Variants in MICAL1 observed in about 807,000 individuals in gnomAD.
MICAL1 encodes the protein microtubule associated monooxygenase, calponin and LIM domain containing 1.
In MICAL1, 95 loss-of-function variants were observed where a neutral mutation model predicts 131.8. The ratio of observed to expected loss-of-function variants is 0.72; its 90% CI spans 0.61 to 0.86. The LOEUF (loss-of-function observed/expected upper bound fraction) is 0.86, where lower values mean the gene tolerates loss of function less well. MICAL1 is among the 40% of genes least tolerant of loss of function. The probability of loss-of-function intolerance (pLI) is 0.00; values close to 1 mark genes in which losing one functional copy is unlikely to be tolerated. For missense variants in MICAL1, 1,292 were observed against 1,380.6 expected, an observed-to-expected ratio of 0.94 and a Z score of 1.02; for synonymous variants, 546 against 554.2, an observed-to-expected ratio of 0.99 and a Z score of 0.21.
chr6:109,460,289 T>C (rs1047846647), upstream of MICAL1, among the ~76,000 whole-genome samples: 1 of 150,294 alleles, frequency 6.7e-6, no homozygotes, highest in Non-Finnish European at 1.5e-5. Flanking sequence ...ACCTTGTCTC[T>C]AAAAAAAAAT....
exon 1 of MICAL1, chr6:109,465,837 A>G (rs1186590137): frequency 6.2e-7 from 1 of 1,614,076 alleles, no homozygotes; most frequent in Non-Finnish European, 8.5e-7. Context: ...CAAGCAGTCA[A>G]ACGTGTTTAC....
upstream of MICAL1, among the ~76,000 whole-genome samples, chr6:109,460,440 AAAAAG>A (rs1411759358): frequency 2.6e-5 from 4 of 151,766 alleles, no homozygotes; most frequent in African/African-American, 7.2e-5. Context: ...AAAAAAAAAA[AAAAAG>A]AAATGTAATC....
intron 11 of MICAL1, 38 bp downstream of exon 11, chr6:109,449,362 C>G (rs779648503): frequency 1.9e-6 from 3 of 1,606,514 alleles, no homozygotes; most frequent in Non-Finnish European, 1.7e-6. Context: ...CTGGGTAGTA[C>G]ATATTTTGGT....
intron 12 of MICAL1, 74 bp downstream of exon 12, chr6:109,448,656 GTC>G: frequency 1.3e-6 from 2 of 1,576,408 alleles, no homozygotes; most frequent in South Asian, 2.2e-5. Context: ...GAAGCACACT[GTC>G]TCTAGGATTC....
chr6:109,448,280 G>A lies in MICAL1; in HGVS notation c.1778C>T (p.Ala593Val). 1 of 1,613,938 alleles carries A rather than the reference G, an allele frequency of 6.2e-7. No individual in the cohort carries two copies. The highest frequency in any genetic ancestry group is 1.1e-5 in the South Asian group (1 of 91,090). The change falls in exon 13 of 25, where the codon GCA becomes GTA. Residue 593 changes from alanine to valine, a missense_variant. By Grantham distance (64) the Ala-to-Val change is moderately conservative. Coordinates refer to ENST00000358807, the MANE Select transcript of MICAL1 (RefSeq NM_022765.4). ...AATGAGGCCCAGTGGGTCACTCCCT[G>A]CTACCACGGCCTGTGCAGACACCAC... ...TPVVSAQAVV[A>V]GSDPLGLIAY... is the part of the protein sequence containing the mutation.
chr6:109,458,864 G>T (rs894550838), upstream of MICAL1, among the ~76,000 whole-genome samples: 1 of 152,196 alleles, frequency 6.6e-6, no homozygotes, highest in Non-Finnish European at 1.5e-5. Context: ...CCGGGAAGCT[G>T]TGGCTGCAGT....
chr6:109,447,149 G>A lies in MICAL1; in HGVS notation c.2151C>T (p.Phe717=), dbSNP rs1582639917. ...LERLCVNGHF[F]HRSCFRCHTC... ...TATGGCAGCGGAAGCAGCTCCGGTGGAAGAAATGGCCGTTGACACAGAGGC... is the reference window on the plus strand; with the variant it reads ...TATGGCAGCGGAAGCAGCTCCGGTGAAAGAAATGGCCGTTGACACAGAGGC... Residue 717 remains phenylalanine, a synonymous_variant, in exon 17 of 25, where the codon TTC becomes TTT. Transcript: ENST00000358807. The A allele has an allele frequency of 6.8e-6, 11 of 1,614,192 alleles. No homozygotes were observed. The highest frequency in any genetic ancestry group is 4.0e-5 in the African/African-American group (3 of 75,058).
intron 7 of MICAL1, among the ~76,000 whole-genome samples, chr6:109,450,802 ACT>A (rs1307420082): frequency 1.3e-5 from 2 of 152,162 alleles, no homozygotes; most frequent in African/African-American, 2.4e-5. Flanking sequence ...CCATATCATT[ACT>A]GTCATATACT....
Position 109,454,006 on chromosome 6 carries a change from C to T in MICAL1, c.191G>A (p.Trp64Ter). ...QLNYWSAKSL[W>*]TKLDKRAGQP... ...GCCTGCTCGCTTGTCCAGCTTGGTCCACAGTGACTTGGCGCTCCAGTAGTT... is the reference window on the plus strand; with the variant it reads ...GCCTGCTCGCTTGTCCAGCTTGGTCTACAGTGACTTGGCGCTCCAGTAGTT... The change falls in exon 2 of 25, where the codon TGG becomes TAG. Residue 64 changes from tryptophan (W) to a stop codon, truncating the protein, a stop_gained. Coordinates refer to ENST00000358807, the MANE Select transcript of MICAL1 (RefSeq NM_022765.4). LOFTEE classifies it high-confidence loss of function. 2.5e-6 allele frequency: 4 copies of T among 1,614,144 alleles called. No individual in the cohort carries two copies. Among genetic ancestry groups the T allele is most frequent in the South Asian group, 2.2e-5 (2 of 91,088 alleles).
At position 109,450,541 on chromosome 6, in the gene MICAL1, T is replaced by TTGG. The variant is rs769481953; in HGVS notation, c.947_949dup (p.Thr316dup). The TTGG allele has an allele frequency of 1.2e-6, 2 of 1,610,162 alleles. No homozygotes were observed. Among genetic ancestry groups the TTGG allele is most frequent in the South Asian group, 2.2e-5 (2 of 90,994 alleles). ...CACATTGGCACTGCCCAGCAGCCGA[T>TTGG]TGGTGTCTGGCCAGTCCTGTATGGT... On this transcript the variant is annotated inframe_insertion, in exon 8 of 25. Coordinates refer to ENST00000358807, the MANE Select transcript of MICAL1 (RefSeq NM_022765.4).
rs1411600326 is a variant in MICAL1 at position 109,453,948 on chromosome 6, G to A, written c.249C>T (p.Thr83=). 4 of 1,613,372 alleles carry A rather than the reference G, an allele frequency of 2.5e-6. No homozygotes were observed. Among genetic ancestry groups the A allele is most frequent in the Admixed American group, 1.7e-5 (1 of 60,012 alleles). The change falls in exon 2 of 25, where the codon ACC becomes ACT. Residue 83 remains threonine, a synonymous_variant. Transcript: ENST00000358807. The part of the protein sequence containing the change: ...QPVYQQGRAC[T]STKCLVVGAG... ...GGCACCGTGTATCCACCTTGGTGCT[G>A]GTGCAGGCCCGGCCCTGCTGGTAGA...
chr6:109,447,174 CGTTCCAGGACATAGAGGT>C lies in MICAL1; in HGVS notation c.2108_2125del (p.His703_Glu708del). On this transcript the variant is annotated inframe_deletion, in exon 17 of 25. Coordinates refer to ENST00000358807, the MANE Select transcript of MICAL1 (RefSeq NM_022765.4). ...GAAGAAATGGCCGTTGACACAGAGG[CGTTCCAGGACATAGAGGT>C]GTTCCCCACAAAGTGCACACAGGTC... 1 of 1,614,170 alleles carries C rather than the reference CGTTCCAGGACATAGAGGT, an allele frequency of 6.2e-7. No individual in the cohort carries two copies. Among genetic ancestry groups the C allele is most frequent in the East Asian group, 2.2e-5 (1 of 44,886 alleles).
upstream of MICAL1, chr6:109,455,829 G>T (rs1020259538): frequency 1.0e-6 from 1 of 985,550 alleles, no homozygotes; most frequent in Non-Finnish European, 1.2e-6. This position sits in a 1 kb window ranked among gnomAD's most constrained non-coding sequence, Gnocchi z 4.7. Flanking sequence ...ATCGGGCGGG[G>T]ATGCTGGGAT....
In MICAL1 at chr6:109,452,579, G is replaced by A; in HGVS notation, c.608C>T (p.Pro203Leu). Reference sequence around the variant, plus strand: ...AAATTCATAGTTGGCCAGCTGGGCAGGGGGGTTGGGTTGGAGCTGGGCACG... The same window carrying A: ...AAATTCATAGTTGGCCAGCTGGGCAAGGGGGTTGGGTTGGAGCTGGGCACG... ...GWRAQLQPNP[P>L]AQLANYEFDV... Residue 203 changes from proline (P) to leucine (L), a missense_variant, in exon 5 of 25, where the codon CCT becomes CTT. Physicochemically the swap from Pro to Leu is moderately conservative, Grantham distance 98. Coordinates refer to ENST00000358807, the MANE Select transcript of MICAL1 (RefSeq NM_022765.4). The A allele has an allele frequency of 1.2e-6, 2 of 1,613,492 alleles. No individual in the cohort carries two copies. Among genetic ancestry groups the A allele is most frequent in the East Asian group, 4.5e-5 (2 of 44,872 alleles).
Position 109,446,712 on chromosome 6 carries a change from C to T in MICAL1, c.2288G>A (p.Arg763Lys), listed in dbSNP as rs747808035. 5.6e-6 allele frequency: 9 copies of T among 1,613,720 alleles called. No homozygotes were observed. In the African/African-American group the frequency reaches 9.3e-5, roughly 17 times the overall value. The change falls in exon 18 of 25, where the codon AGA becomes AAA. Residue 763 changes from arginine to lysine, a missense_variant. By Grantham distance (26) the Arg-to-Lys change is conservative (BLOSUM62 2). Coordinates refer to ENST00000358807, the MANE Select transcript of MICAL1 (RefSeq NM_022765.4). Reference sequence around the variant, plus strand: ...AGTCTTTACCGGACTCTCAGGGCCTCTATCGCTGCCTTCCGCTTTGTGGTC... The same window carrying T: ...AGTCTTTACCGGACTCTCAGGGCCTTTATCGCTGCCTTCCGCTTTGTGGTC... ...QTDHKAEGSD[R>K]GPESPELPTP...
At position 109,453,956 on chromosome 6, in the gene MICAL1, C is replaced by T. The variant is rs911893892; in HGVS notation, c.241G>A (p.Ala81Thr). 6.2e-7 allele frequency: 1 copy of T among 1,613,846 alleles called. No individual in the cohort carries two copies. Among genetic ancestry groups the T allele is most frequent in the Non-Finnish European group, 8.5e-7 (1 of 1,179,918 alleles). The change falls in exon 2 of 25, where the codon GCC becomes ACC. Residue 81 changes from alanine (A) to threonine (T), a missense_variant. Ala to Thr is a moderately conservative substitution (Grantham distance 58). Transcript: ENST00000358807. Reference protein sequence around the residue: ...AGQPVYQQGRACTSTKCLVVG... With the variant: ...AGQPVYQQGRTCTSTKCLVVG... ...GTATCCACCTTGGTGCTGGTGCAGG[C>T]CCGGCCCTGCTGGTAGACAGGCTGG...
At chr6:109,458,778 G>A (rs76392019), upstream of MICAL1, among the ~76,000 whole-genome samples, 2,756 of 152,208 alleles carry the variant, frequency 0.018, 96 homozygotes, top group African/African-American at 0.063. Flanking sequence ...ACTGTAGGTG[G>A]CATGTTTAAG....
At chr6:109,444,401 A>T (rs527722355) in intron 24 of MICAL1, 62 bp from the exon 25 acceptor site, 1 of 1,603,586 alleles carries the variant, frequency 6.2e-7, no homozygotes, top group African/African-American at 1.3e-5. Flanking sequence ...GAGGGCCACA[A>T]CCTAATCCCA....
intron 4 of MICAL1, 30 bp from the exon 5 acceptor site, chr6:109,452,645 G>A (rs1470913016): frequency 6.4e-7 from 1 of 1,573,762 alleles, no homozygotes; most frequent in Non-Finnish European, 8.7e-7. Context: ...AGGCACAAAG[G>A]TGTAGAAGTC....
Sources: gnomAD v4.1 joint callset for allele counts (sites outside exome capture counted in the v4.1 genomes callset) on GRCh38, gnomAD v4.1.1 for gene constraint, Gnocchi (gnomAD v3.1) non-coding constraint, MANE v1.5 for transcripts, NCBI Gene and HGNC (gene_info 2026-07-23, HGNC 2026-07-21) for gene names.